CTNNA3: variants seen among roughly 807,000 people sequenced by gnomAD.
CTNNA3 encodes the protein catenin alpha-3.
In CTNNA3, 76 loss-of-function variants were observed where a neutral mutation model predicts 95.7. The ratio of observed to expected loss-of-function variants is 0.79; its 90% CI spans 0.66 to 0.96. CTNNA3 has a LOEUF of 0.96. Among genes scored for constraint, CTNNA3 ranks in the 40% least tolerant of loss-of-function variants. The pLI is 0.00. For synonymous variants in CTNNA3, 431 were observed against 374.4 expected (o/e 1.15, Z -1.74); for missense variants, 1,191 against 1,089.8 (o/e 1.09, Z -1.31).
At chr10:66,783,823 T>A (rs761809118) in intron 7 of CTNNA3, among the ~76,000 whole-genome samples, 2 of 152,186 alleles carry the variant, frequency 1.3e-5, no homozygotes, top group Non-Finnish European at 2.9e-5. Context: ...AAACCACTGA[T>A]CTTGTAAAAA....
intron 9 of CTNNA3, among the ~76,000 whole-genome samples, chr10:66,734,210 T>C (rs921883806): frequency 3.9e-5 from 6 of 152,032 alleles, no homozygotes; most frequent in African/African-American, 1.4e-4. Flanking sequence ...TTATTACTCA[T>C]TCCAAAAATG....
intron 5 of CTNNA3, among the ~76,000 whole-genome samples, chr10:67,237,047 G>C (rs1404781508): frequency 2.7e-5 from 4 of 145,602 alleles, no homozygotes; most frequent in African/African-American, 1.0e-4. Flanking sequence ...TTTACAGCAG[G>C]ACAATTCACA....
At chr10:67,135,919 A>T (rs1860285090) in intron 7 of CTNNA3, among the ~76,000 whole-genome samples, 1 of 152,240 alleles carries the variant, frequency 6.6e-6, no homozygotes, top group African/African-American at 2.4e-5. Flanking sequence ...ACCACTTAAG[A>T]AGCAAAGCAG....
chr10:66,685,215 A>ATGTGTATATATATACGTATATATG (rs1847219597), intron 9 of CTNNA3, among the ~76,000 whole-genome samples: 1 of 131,478 alleles, frequency 7.6e-6, no homozygotes, highest in African/African-American at 2.7e-5. Flanking sequence ...ACGTATATAT[A>ATGTGTATATATATACGTATATATG]TGTGTATATA....
intron 1 of CTNNA3, among the ~76,000 whole-genome samples, chr10:67,656,333 T>C (rs1589540835): frequency 6.6e-6 from 1 of 152,302 alleles, no homozygotes; most frequent in South Asian, 2.1e-4. Context: ...TGTGTTTACA[T>C]AGAGGGCAAT....
chr10:67,130,979 T>C lies in CTNNA3; in HGVS notation c.1047+49338A>G, dbSNP rs938952383. ...ATCAAGGATGGCACAAAGATAAATATAGGGCATGCAGAGTCTAGAGTAATT... is the reference window on the plus strand; with the variant it reads ...ATCAAGGATGGCACAAAGATAAATACAGGGCATGCAGAGTCTAGAGTAATT... On this transcript the variant is annotated intron_variant, in intron 7 of 17. Transcript: ENST00000433211. 4.6e-5 allele frequency among the ~76,000 whole-genome samples: 7 copies of C among 152,190 alleles called. No individual in the cohort carries two copies. The East Asian group carries it at 1.2e-3, about 25-fold the overall frequency.
At chr10:67,012,028 G>A (rs951083765) in intron 7 of CTNNA3, among the ~76,000 whole-genome samples, 23 of 152,068 alleles carry the variant, frequency 1.5e-4, no homozygotes, top group Admixed American at 4.6e-4. Context: ...TAATATATGA[G>A]GAAACAGAAA....
chr10:66,727,477 G>T (rs2132655185), intron 9 of CTNNA3, among the ~76,000 whole-genome samples: 1 of 152,158 alleles, frequency 6.6e-6, no homozygotes, highest in African/African-American at 2.4e-5. Flanking sequence ...ATCTTTCTTT[G>T]CCAGATGTAT....
At chr10:66,759,769 A>T (rs1839530103) in intron 9 of CTNNA3, among the ~76,000 whole-genome samples, 1 of 152,216 alleles carries the variant, frequency 6.6e-6, no homozygotes, top group African/African-American at 2.4e-5. Context: ...TATAAAATAC[A>T]TCCCAAATTT....
At chr10:66,025,729 T>C (rs2079319742) in intron 15 of CTNNA3, among the ~76,000 whole-genome samples, 1 of 152,060 alleles carries the variant, frequency 6.6e-6, no homozygotes, top group African/African-American at 2.4e-5. Flanking sequence ...TTAGAGGAAA[T>C]TTTTCAGCAA....
chr10:67,348,714 A>T (rs1842528153), intron 5 of CTNNA3, among the ~76,000 whole-genome samples: 1 of 152,112 alleles, frequency 6.6e-6, no homozygotes, highest in Non-Finnish European at 1.5e-5. Flanking sequence ...TTCATAAGGG[A>T]TCTTTCCCCA....
At chr10:66,502,479 A>C (rs10822840) in intron 11 of CTNNA3, among the ~76,000 whole-genome samples, 52,417 of 152,038 alleles carry the variant, frequency 0.34, 10,346 homozygotes, top group Non-Finnish European at 0.43. Flanking sequence ...CTAATTTTTA[A>C]AGGATAAAGC....
intron 6 of CTNNA3, among the ~76,000 whole-genome samples, chr10:67,215,869 T>C (rs938391012): frequency 6.6e-6 from 1 of 152,164 alleles, no homozygotes; most frequent in African/African-American, 2.4e-5. Context: ...CAGGCCATAA[T>C]TGAAAAGCAG....
At chr10:66,109,736 C>T (rs1278828193) in intron 13 of CTNNA3, among the ~76,000 whole-genome samples, 1 of 151,948 alleles carries the variant, frequency 6.6e-6, no homozygotes, top group Non-Finnish European at 1.5e-5. Flanking sequence ...TTAGTCTTAA[C>T]CAGACTACTG....
At chr10:67,754,442 A>G (rs1248008426) in intron 1 of CTNNA3, among the ~76,000 whole-genome samples, 1 of 152,186 alleles carries the variant, frequency 6.6e-6, no homozygotes, top group Non-Finnish European at 1.5e-5. Flanking sequence ...CATCATGCAA[A>G]TGTATCCCAG....
chr10:66,387,177 A>C (rs1171312514), intron 11 of CTNNA3, among the ~76,000 whole-genome samples: 3 of 152,194 alleles, frequency 2.0e-5, no homozygotes, highest in Non-Finnish European at 4.4e-5. Context: ...GAATGGGAGA[A>C]AATTTTTGCA....
intron 12 of CTNNA3, among the ~76,000 whole-genome samples, chr10:66,319,743 A>C (rs1215065596): frequency 6.6e-6 from 1 of 152,130 alleles, no homozygotes; most frequent in Non-Finnish European, 1.5e-5. Context: ...TAGCATTCAA[A>C]TGCGATTTGT....
chr10:66,332,656 G>A (rs1402352473), intron 12 of CTNNA3, among the ~76,000 whole-genome samples: 2 of 151,882 alleles, frequency 1.3e-5, no homozygotes, highest in East Asian at 1.9e-4. Context: ...TTTTTGCATC[G>A]ATGTTCATCA....
chr10:65,953,344 T>C (rs964616685), intron 17 of CTNNA3, among the ~76,000 whole-genome samples: 2 of 152,158 alleles, frequency 1.3e-5, no homozygotes, highest in African/African-American at 4.8e-5. Context: ...CAGTATGTAT[T>C]TTCCATAGAA....
Sources: allele counts gnomAD v4.1 joint callset (sites outside exome capture counted in the v4.1 genomes callset), GRCh38; gene constraint gnomAD v4.1.1; transcripts MANE v1.5; gene names NCBI Gene and HGNC (gene_info 2026-07-23, HGNC 2026-07-21).